The following EYA2 variants were observed in gnomAD, a reference collection of about 807,000 sequenced individuals.
EYA2 encodes the protein EYA transcriptional coactivator and phosphatase 2, also known as protein phosphatase EYA2.
In EYA2, 31 loss-of-function variants were observed where a neutral mutation model predicts 69.2. The observed-to-expected ratio is 0.45, with a 90% CI of 0.34 to 0.60. The LOEUF is 0.60. Ranked by LOEUF, EYA2 falls within the 20% of genes least tolerant of loss-of-function variation. EYA2 has a pLI of 0.02. For missense variants in EYA2, 622 were observed against 701.2 expected (o/e 0.89, Z 1.28); for synonymous variants, 257 against 279.4 (o/e 0.92, Z 0.80).
chr20:47,036,426 G>A (rs185417550), intron 5 of EYA2, among the ~76,000 whole-genome samples: 16 of 152,186 alleles, frequency 1.1e-4, no homozygotes, highest in Admixed American at 3.9e-4. Flanking sequence ...AGGAATGGTC[G>A]TTTCCAATCA....
intron 5 of EYA2, among the ~76,000 whole-genome samples, chr20:47,033,095 GACC>G (rs1984510608): frequency 1.3e-5 from 2 of 152,196 alleles, no homozygotes; most frequent in African/African-American, 4.8e-5. Context: ...CAACCCCCAA[GACC>G]ATAGCTCAGG....
chr20:47,162,765 C>G (rs2034096941), intron 10 of EYA2, among the ~76,000 whole-genome samples: 1 of 151,962 alleles, frequency 6.6e-6, no homozygotes, highest in Non-Finnish European at 1.5e-5. Flanking sequence ...GAGATGCACC[C>G]TCTTTGGCCT....
intron 1 of EYA2, among the ~76,000 whole-genome samples, chr20:46,975,526 T>A (rs1980406112): frequency 6.6e-6 from 1 of 151,750 alleles, no homozygotes; most frequent in Non-Finnish European, 1.5e-5. Flanking sequence ...ATACATAAAA[T>A]CAAATAAAAT....
At chr20:46,909,779 C>G (rs1984556232) in intron 1 of EYA2, among the ~76,000 whole-genome samples, 1 of 152,108 alleles carries the variant, frequency 6.6e-6, no homozygotes, top group South Asian at 2.1e-4. Flanking sequence ...GGACTGGTTC[C>G]TTATATCCCC....
intron 1 of EYA2, among the ~76,000 whole-genome samples, chr20:46,914,635 G>A (rs1419286652): frequency 6.6e-6 from 1 of 152,180 alleles, no homozygotes; most frequent in Non-Finnish European, 1.5e-5. Flanking sequence ...ACTATTGTGA[G>A]ACTAGGATGG....
chr20:47,149,688 CAAAAAAAAA>C (rs59780173), intron 10 of EYA2, among the ~76,000 whole-genome samples: 9 of 102,700 alleles, frequency 8.8e-5, no homozygotes, highest in East Asian at 2.7e-4. Flanking sequence ...ACTAAAAATA[CAAAAAAAAA>C]AAAAAAAAAA....
At chr20:47,144,557 AG>A (rs1052752707) in intron 10 of EYA2, among the ~76,000 whole-genome samples, 7 of 152,254 alleles carry the variant, frequency 4.6e-5, no homozygotes, top group African/African-American at 1.4e-4. Flanking sequence ...TCATTAGGAA[AG>A]CATACAGATT....
intron 12 of EYA2, among the ~76,000 whole-genome samples, chr20:47,177,702 G>A (rs1030598006): frequency 1.3e-5 from 2 of 152,222 alleles, no homozygotes; most frequent in Non-Finnish European, 2.9e-5. Context: ...TAGAGAAGAC[G>A]ATGTCTCCAT....
At chr20:47,078,327 GCGCGCACACACA>G (rs1310091143) in intron 7 of EYA2, among the ~76,000 whole-genome samples, 41 of 78,100 alleles carry the variant, frequency 5.2e-4, no homozygotes, top group Non-Finnish European at 8.7e-4. Context: ...GTGCGCGCGC[GCGCGCACACACA>G]CACACACACA....
intron 15 of EYA2, among the ~76,000 whole-genome samples, chr20:47,184,186 C>T (rs994266744): frequency 6.6e-6 from 1 of 152,080 alleles, no homozygotes; most frequent in Non-Finnish European, 1.5e-5. Context: ...TATTATCCGC[C>T]GCCATGAGCC....
At chr20:47,135,240 T>G (rs945874722) in intron 9 of EYA2, among the ~76,000 whole-genome samples, 2 of 152,120 alleles carry the variant, frequency 1.3e-5, no homozygotes, top group East Asian at 3.9e-4. Flanking sequence ...CATTAAACTT[T>G]CACTAAAAGG....
intron 5 of EYA2, among the ~76,000 whole-genome samples, chr20:47,056,202 G>A (rs2030601249): frequency 1.3e-5 from 2 of 152,324 alleles, no homozygotes; most frequent in African/African-American, 4.8e-5. Context: ...GGCTCCGGGT[G>A]TGGGTTTGGA....
At chr20:46,919,291 C>G (rs1985072259) in intron 1 of EYA2, among the ~76,000 whole-genome samples, 1 of 152,250 alleles carries the variant, frequency 6.6e-6, no homozygotes, top group Non-Finnish European at 1.5e-5. Flanking sequence ...CTTCTCCTCT[C>G]TAGCTATGAA....
chr20:46,944,600 T>C (rs1206748), intron 1 of EYA2, among the ~76,000 whole-genome samples: 60,414 of 151,950 alleles, frequency 0.4, 12,547 homozygotes, highest in Non-Finnish European at 0.46. Context: ...TCCATAGTGT[T>C]GTTGAGAGGA....
intron 1 of EYA2, among the ~76,000 whole-genome samples, chr20:46,943,932 C>G (rs547455499): frequency 8.5e-4 from 129 of 152,252 alleles, no homozygotes; most frequent in African/African-American, 3.0e-3. Flanking sequence ...TCTCTCTCCC[C>G]CTTTCTTTCT....
At chr20:46,971,250 T>G (rs915600130) in intron 1 of EYA2, among the ~76,000 whole-genome samples, 2 of 152,216 alleles carry the variant, frequency 1.3e-5, no homozygotes, top group African/African-American at 4.8e-5. Context: ...TAGGAGTTTA[T>G]TTCTCTCTCA....
intron 1 of EYA2, among the ~76,000 whole-genome samples, chr20:46,966,118 C>T (rs1034728466): frequency 6.6e-6 from 1 of 152,176 alleles, no homozygotes; most frequent in African/African-American, 2.4e-5. Context: ...AACGAGGCAA[C>T]CTCTTACAGT....
intron 1 of EYA2, among the ~76,000 whole-genome samples, chr20:46,916,524 T>C (rs1568665513): frequency 6.6e-6 from 1 of 152,176 alleles, no homozygotes; most frequent in African/African-American, 2.4e-5. Context: ...TCTTGATTTA[T>C]AGACTTTGCA....
At chr20:47,134,396 A>C (rs568736508) in intron 9 of EYA2, among the ~76,000 whole-genome samples, 156 of 152,360 alleles carry the variant, frequency 1.0e-3, no homozygotes, top group African/African-American at 3.6e-3. Flanking sequence ...CAAGCTACAC[A>C]GTAATAATAG....
Sources: allele counts gnomAD v4.1 joint callset (sites outside exome capture counted in the v4.1 genomes callset), GRCh38; gene constraint gnomAD v4.1.1; transcripts MANE v1.5; gene names NCBI Gene and HGNC (gene_info 2026-07-23, HGNC 2026-07-21).